The following ZCCHC4 variants were observed in gnomAD, a reference collection of about 807,000 sequenced individuals.
ZCCHC4 encodes rRNA N(6)-adenosine-methyltransferase ZCCHC4.
A neutral mutation model predicts 67.7 loss-of-function variants in ZCCHC4; 54 were observed. The observed-to-expected ratio is 0.80, with a 90% CI of 0.64 to 1.00. The LOEUF (loss-of-function observed/expected upper bound fraction) is 1.00, where lower values mean the gene tolerates loss of function less well. Ranked by LOEUF, ZCCHC4 falls within the 50% of genes least tolerant of loss-of-function variation. The pLI, the probability that ZCCHC4 is intolerant of heterozygous loss-of-function variation, is 0.00. For missense variants in ZCCHC4, 609 were observed against 617.0 expected (o/e 0.99, Z 0.14); for synonymous variants, 198 against 213.5 (o/e 0.93, Z 0.63).
chr4:25,368,888 CTG>C (rs765884320), intron 12 of ZCCHC4, 139 bp from the exon 13 acceptor site: 26 of 1,039,466 alleles, frequency 2.5e-5, no homozygotes, highest in Middle Eastern at 6.4e-4. Flanking sequence ...GGTTAGGAGA[CTG>C]AGGATTTATG....
intron 5 of ZCCHC4, 66 bp from the exon 6 acceptor site, chr4:25,345,482 A>C: frequency 1.1e-6 from 1 of 917,094 alleles, no homozygotes; most frequent in Non-Finnish European, 1.7e-6. Flanking sequence ...ATTGTTTTAA[A>C]ATTTAGTTTA....
intron 3 of ZCCHC4, among the ~76,000 whole-genome samples, chr4:25,322,265 A>G (rs1416667580): frequency 2.6e-5 from 4 of 152,070 alleles, no homozygotes; most frequent in Admixed American, 2.0e-4. Flanking sequence ...ATGTACAACT[A>G]TTACAATCTA....
At chr4:25,325,434 A>AT (rs1718831597) in intron 3 of ZCCHC4, among the ~76,000 whole-genome samples, 1 of 149,224 alleles carries the variant, frequency 6.7e-6, no homozygotes, top group Non-Finnish European at 1.5e-5. Context: ...CACCCGGCTA[A>AT]TTTTTTTTTA....
intron 8 of ZCCHC4, among the ~76,000 whole-genome samples, chr4:25,360,572 G>A (rs1560416416): frequency 1.3e-5 from 2 of 152,346 alleles, no homozygotes; most frequent in East Asian, 3.9e-4. Flanking sequence ...TGATGGATGT[G>A]TTCATGGATA....
At chr4:25,326,183 A>G (rs990201976) in intron 3 of ZCCHC4, among the ~76,000 whole-genome samples, 1 of 152,220 alleles carries the variant, frequency 6.6e-6, no homozygotes, top group Admixed American at 6.5e-5. Context: ...TGCTTTTTCC[A>G]GCGTCTGGGA....
chr4:25,334,834 A>G (rs1295039088), intron 5 of ZCCHC4, among the ~76,000 whole-genome samples: 1 of 151,892 alleles, frequency 6.6e-6, no homozygotes, highest in Admixed American at 6.6e-5. Context: ...AACAAAGAAG[A>G]CAGATTTTTT....
chr4:25,353,675 T>C (rs1489913579), intron 8 of ZCCHC4, among the ~76,000 whole-genome samples: 1 of 152,220 alleles, frequency 6.6e-6, no homozygotes, highest in Non-Finnish European at 1.5e-5. Context: ...AAAAAGGATC[T>C]GAGTTTTAAT....
chr4:25,313,866 A>G (rs1718093021), intron 1 of ZCCHC4, among the ~76,000 whole-genome samples, 180 bp from the exon 2 acceptor site: 1 of 152,234 alleles, frequency 6.6e-6, no homozygotes, highest in South Asian at 2.1e-4. Flanking sequence ...CCCTGTCTCA[A>G]GAAAACAAAA....
rs560084010 is a variant in ZCCHC4 at position 25,337,402 on chromosome 4, T to G, written c.686+3414T>G. The stretch of plus-strand genomic sequence containing the variant: ...AGCTTCCTTCCTACTGCCAGGGACG[T>G]TGGTGGCAGCAGCTTTAAGTTTATC... On this transcript the variant is annotated intron_variant, in intron 5 of 12. Coordinates refer to ENST00000302874, the MANE Select transcript of ZCCHC4 (RefSeq NM_024936.3). Among the ~76,000 whole-genome samples the G allele has an allele frequency of 2.6e-5, 4 of 152,338 alleles. No individual in the cohort carries two copies. In the South Asian group the frequency reaches 8.3e-4, roughly 32 times the overall value.
chr4:25,351,531 G>A, intron 7 of ZCCHC4, 58 bp from the exon 8 acceptor site: 2 of 1,189,096 alleles, frequency 1.7e-6, no homozygotes, highest in Admixed American at 2.1e-5. Context: ...TTTTTCTACT[G>A]TAGCCTTCTA....
intron 5 of ZCCHC4, among the ~76,000 whole-genome samples, chr4:25,338,250 C>T (rs771484191): frequency 9.2e-5 from 14 of 152,118 alleles, no homozygotes; most frequent in Non-Finnish European, 1.9e-4. Flanking sequence ...TGTGCCACCA[C>T]ACCCAGTTAA....
chr4:25,364,007 T>C (rs896005762), intron 10 of ZCCHC4, among the ~76,000 whole-genome samples: 8 of 152,356 alleles, frequency 5.3e-5, no homozygotes, highest in Admixed American at 5.2e-4. Context: ...TTTCTAGATA[T>C]TTTTATTTCA....
intron 5 of ZCCHC4, among the ~76,000 whole-genome samples, chr4:25,338,389 C>G (rs1158106034): frequency 6.6e-6 from 1 of 152,202 alleles, no homozygotes; most frequent in Admixed American, 6.5e-5. Flanking sequence ...GCCATCATGC[C>G]CAGCCCATTT....
intron 5 of ZCCHC4, among the ~76,000 whole-genome samples, chr4:25,343,966 A>T (rs1719873079): frequency 6.6e-6 from 1 of 152,202 alleles, no homozygotes; most frequent in Non-Finnish European, 1.5e-5. Flanking sequence ...GTGTAATAAA[A>T]TAGTTGGAGT....
rs1226056791 is a variant in ZCCHC4 at position 25,344,403 on chromosome 4, A to G, written c.687-1145A>G. ...CGCATGTTCTCACTCATAGGTGGGAATTGAACAATGAGAACACATGGACAC... is the reference window on the plus strand; with the variant it reads ...CGCATGTTCTCACTCATAGGTGGGAGTTGAACAATGAGAACACATGGACAC... On this transcript the variant is annotated intron_variant, in intron 5 of 12. Transcript: ENST00000302874. Among the ~76,000 whole-genome samples, 9 of 141,824 alleles carry G rather than the reference A, an allele frequency of 6.3e-5. No homozygotes were observed. The Admixed American group carries it at 6.8e-4, about 11-fold the overall frequency. The allele number at this position is 141,824 out of a possible 152,430, so 93.0% of individuals were successfully genotyped here.
intron 8 of ZCCHC4, among the ~76,000 whole-genome samples, chr4:25,356,622 C>T (rs948490316): frequency 6.6e-6 from 1 of 151,352 alleles, no homozygotes; most frequent in Admixed American, 6.6e-5. Context: ...GTACTAGAAA[C>T]CTTTCTAAAA....
In ZCCHC4 at chr4:25,351,938, T is replaced by C. The variant is rs1385846099; in HGVS notation, c.1011+249T>C. The stretch of plus-strand genomic sequence containing the variant: ...GAGGACAAAGCCCCAAGAAAAAATA[T>C]CTCACCAAGCTCCTTGGGTGACTCC... On this transcript the variant is annotated intron_variant, in intron 8 of 12. Transcript: ENST00000302874. 4.4e-6 allele frequency: 5 copies of C among 1,130,036 alleles called. No homozygotes were observed. In the African/African-American group the frequency reaches 8.1e-5, roughly 18 times the overall value. The allele number at this position is 1,130,036 out of a possible 1,614,324, so 70.0% of individuals were successfully genotyped here.
chr4:25,358,789 A>G (rs1435368712), intron 8 of ZCCHC4, among the ~76,000 whole-genome samples: 3 of 152,190 alleles, frequency 2.0e-5, no homozygotes. Context: ...CTTGGCTTGG[A>G]GCCACTATTG....
At position 25,349,510 on chromosome 4, in the gene ZCCHC4, A is replaced by G. The variant is rs1253261963; in HGVS notation, c.778A>G (p.Arg260Gly). The change falls in exon 7 of 13, where the codon AGA (arginine) becomes GGA (glycine). Residue 260 changes from arginine to glycine, a missense_variant. Arg to Gly is a moderately radical substitution (Grantham distance 125). Coordinates refer to ENST00000302874, the MANE Select transcript of ZCCHC4 (RefSeq NM_024936.3). Reference sequence around the variant, plus strand: ...GTTCCAGACTGCCCTTGAAGTATGCAGAGCATTTTTACAGGAAGATAAAGG... The same window carrying G: ...GTTCCAGACTGCCCTTGAAGTATGCGGAGCATTTTTACAGGAAGATAAAGG... ...FDGKTALEVCRAFLQEDKGEG... is the reference protein window; with the variant it reads ...FDGKTALEVCGAFLQEDKGEG... 1 of 1,613,806 alleles carries G rather than the reference A, an allele frequency of 6.2e-7. No homozygotes were observed. Among genetic ancestry groups the G allele is most frequent in the Non-Finnish European group, 8.5e-7 (1 of 1,179,878 alleles).
Sources: gnomAD v4.1 joint callset for allele counts (sites outside exome capture counted in the v4.1 genomes callset) on GRCh38, gnomAD v4.1.1 for gene constraint, MANE v1.5 for transcripts, NCBI Gene and HGNC (gene_info 2026-07-23, HGNC 2026-07-21) for gene names.